The following ANKRD36C variants were observed in gnomAD, a reference collection of about 807,000 sequenced individuals.
The protein encoded by ANKRD36C is ankyrin repeat domain-containing protein 36C.
In ANKRD36C, 61 loss-of-function variants were observed where a neutral mutation model predicts 276.4. That is an observed-to-expected ratio of 0.22 (90% confidence interval 0.18 to 0.27). The LOEUF is 0.27. Among genes scored for constraint, ANKRD36C ranks in the 10% least tolerant of loss-of-function variants. The pLI, the probability that ANKRD36C is intolerant of heterozygous loss-of-function variation, is 1.00. For missense variants in ANKRD36C, 1,447 were observed against 2,032.3 expected, an observed-to-expected ratio of 0.71 and a Z score of 5.54; for synonymous variants, 483 against 680.1, an observed-to-expected ratio of 0.71 and a Z score of 4.51.
chr2:95,982,274 G>A (rs1346619339), exon 4 of ANKRD36C: 1 of 1,548,226 alleles, frequency 6.5e-7, no homozygotes, highest in Non-Finnish European at 8.7e-7. Flanking sequence ...ATAATCAACG[G>A]CATTTATATT....
chr2:95,910,495 G>C (rs1671267103), intron 42 of ANKRD36C, 45 bp downstream of exon 45: 6 of 1,602,230 alleles, frequency 3.7e-6, no homozygotes, highest in African/African-American at 1.3e-5. Context: ...ATGTTTCATA[G>C]ACCATACATT....
chr2:95,923,960 C>T (rs1200968266), intron 30 of ANKRD36C, among the ~76,000 whole-genome samples: 5 of 151,550 alleles, frequency 3.3e-5, no homozygotes, highest in African/African-American at 4.8e-5. Context: ...GTGAATATGT[C>T]GAATGATGAG....
At chr2:95,915,551 C>T (rs946758868) in intron 38 of ANKRD36C, among the ~76,000 whole-genome samples, 22 of 151,546 alleles carry the variant, frequency 1.5e-4, no homozygotes, top group African/African-American at 4.8e-4. Context: ...ATAATTGCTA[C>T]ATCAGGGGTC....
exon 63 of ANKRD36C, chr2:95,855,652 C>T (rs1573717759): frequency 6.2e-7 from 1 of 1,611,370 alleles, no homozygotes; most frequent in Non-Finnish European, 8.5e-7. Context: ...TCTTTCAGAG[C>T]CTCTCCTGTG....
chr2:95,952,826 A>C (rs1678231839), intron 14 of ANKRD36C, among the ~76,000 whole-genome samples: 1 of 152,296 alleles, frequency 6.6e-6, no homozygotes, highest in Non-Finnish European at 1.5e-5. Context: ...TTGCTGATTC[A>C]CATTAAAAAC....
intron 6 of ANKRD36C, among the ~76,000 whole-genome samples, chr2:95,969,116 T>C (rs1259227351): frequency 6.6e-6 from 1 of 152,112 alleles, no homozygotes; most frequent in Non-Finnish European, 1.5e-5. Context: ...TAGGCATGAC[T>C]GATTAATTGA....
At chr2:95,956,483 T>C (rs943697663) in intron 13 of ANKRD36C, among the ~76,000 whole-genome samples, 1 of 152,216 alleles carries the variant, frequency 6.6e-6, no homozygotes, top group Non-Finnish European at 1.5e-5. Flanking sequence ...CCATCTATGC[T>C]TAGGGGCAAA....
chr2:95,874,867 A>G lies in ANKRD36C; in HGVS notation c.3540+1572T>C, dbSNP rs543844114. ...AAACAACCCCATCAAAAAGTGGGCA[A>G]AGGATATCAACAGACACTTCTCAAA... On this transcript the variant is annotated intron_variant, in intron 59 of 66. Transcript: ENST00000456556. 2.0e-5 allele frequency among the ~76,000 whole-genome samples: 3 copies of G among 152,410 alleles called. No homozygotes were observed. In the South Asian group the frequency reaches 6.2e-4, roughly 32 times the overall value.
intron 42 of ANKRD36C, among the ~76,000 whole-genome samples, chr2:95,910,848 A>C (rs4907223): frequency 1.3e-5 from 2 of 151,254 alleles, no homozygotes; most frequent in South Asian, 4.2e-4. Flanking sequence ...GCATAGGCCA[A>C]GTGATGAGAA....
At chr2:95,879,661 A>G (rs1324340573) in intron 58 of ANKRD36C, among the ~76,000 whole-genome samples, 6 of 152,174 alleles carry the variant, frequency 3.9e-5, no homozygotes, top group African/African-American at 9.6e-5. Flanking sequence ...GCTTAATATA[A>G]TAAGTGTAAC....
At chr2:95,894,653 GA>G (rs1277089972) in intron 44 of ANKRD36C, among the ~76,000 whole-genome samples, 7 of 150,418 alleles carry the variant, frequency 4.7e-5, no homozygotes, top group African/African-American at 1.7e-4. Flanking sequence ...GCTCTTTGAA[GA>G]AGGAAGCCAA....
At position 95,967,075 on chromosome 2, in the gene ANKRD36C, A is replaced by C. The variant is rs369725333; in HGVS notation, c.800-4528T>G. On this transcript the variant is annotated intron_variant, in intron 6 of 66. Transcript: ENST00000456556. ...TGGGGCTGAGACAATTTGGTTTTCTAAATATACCATCATGTCATCTGCAAA... is the reference window on the plus strand; with the variant it reads ...TGGGGCTGAGACAATTTGGTTTTCTCAATATACCATCATGTCATCTGCAAA... 3.3e-5 allele frequency among the ~76,000 whole-genome samples: 5 copies of C among 152,304 alleles called. No individual in the cohort carries two copies. In the South Asian group the frequency reaches 1.0e-3, roughly 32 times the overall value.
intron 64 of ANKRD36C, 100 bp downstream of exon 84, chr2:95,853,609 C>T (rs1675341375): frequency 2.1e-5 from 26 of 1,224,250 alleles, no homozygotes; most frequent in Non-Finnish European, 2.7e-5. Flanking sequence ...CATAAAAATA[C>T]AAAAGAAAGC....
intron 5 of ANKRD36C, among the ~76,000 whole-genome samples, chr2:95,980,277 A>G (rs1240850662): frequency 1.3e-5 from 2 of 152,130 alleles, no homozygotes; most frequent in South Asian, 4.1e-4. Context: ...GCACAGCACA[A>G]GGTTTTTTGA....
chr2:95,859,253 C>T (rs868599621), intron 61 of ANKRD36C, among the ~76,000 whole-genome samples: 2 of 152,006 alleles, frequency 1.3e-5, no homozygotes, highest in African/African-American at 2.4e-5. Context: ...AGACTGGTCT[C>T]GAACTCCTGA....
rs2104340173 is a variant in ANKRD36C at position 95,888,078 on chromosome 2, G to A, written c.2988+14C>T. On this transcript the variant is annotated intron_variant, in intron 49 of 66. Transcript: ENST00000456556. ...ACAGTTAATAGTTCACAATATAAAT[G>A]ACAGTTTAATTACCTTCAAGGCTGG... 2.5e-6 allele frequency: 4 copies of A among 1,609,612 alleles called. No individual in the cohort carries two copies. The highest frequency in any genetic ancestry group is 3.4e-6 in the Non-Finnish European group (4 of 1,178,302).
chr2:95,928,957 G>A (rs1427048271), intron 26 of ANKRD36C, 115 bp downstream of exon 26: 1 of 1,498,354 alleles, frequency 6.7e-7, no homozygotes, highest in Non-Finnish European at 9.1e-7. Context: ...AAGAATCTCA[G>A]GCATACTGAA....
Position 95,911,118 on chromosome 2 carries a change from T to C in ANKRD36C, c.2653+1126A>G, listed in dbSNP as rs1396340982. ...ATCACTTTGGATACCTGTTTGCTGA[T>C]ACCTAGTAGATAATAATCATTATCT... On this transcript the variant is annotated intron_variant, in intron 42 of 66. Transcript: ENST00000456556. 5.3e-5 allele frequency among the ~76,000 whole-genome samples: 8 copies of C among 151,676 alleles called. No homozygotes were observed. In the South Asian group the frequency reaches 6.2e-4, roughly 12 times the overall value.
At chr2:95,954,513 C>A (rs77800175) in intron 13 of ANKRD36C, among the ~76,000 whole-genome samples, 5 of 118,618 alleles carry the variant, frequency 4.2e-5, no homozygotes, top group African/African-American at 1.6e-4. Flanking sequence ...AGCATGTAAG[C>A]TACTTAAAGA....
Sources: gnomAD v4.1 joint callset for allele counts (sites outside exome capture counted in the v4.1 genomes callset) on GRCh38, gnomAD v4.1.1 for gene constraint, MANE v1.5 for transcripts, NCBI Gene and HGNC (gene_info 2026-07-23, HGNC 2026-07-21) for gene names.